TCERG1L: variants seen among roughly 807,000 people sequenced by gnomAD.
TCERG1L encodes the protein transcription elongation regulator 1 like.
Under a neutral mutation model 56.3 loss-of-function variants are expected in TCERG1L, and 37 were observed. That is an observed-to-expected ratio of 0.66 (90% CI 0.51 to 0.87). The LOEUF (loss-of-function observed/expected upper bound fraction) is 0.87, where lower values mean the gene tolerates loss of function less well. Among genes scored for constraint, TCERG1L ranks in the 40% least tolerant of loss-of-function variants. The pLI, the probability that TCERG1L is intolerant of heterozygous loss-of-function variation, is 0.00. For synonymous variants in TCERG1L, 324 were observed against 326.3 expected, an observed-to-expected ratio of 0.99 and a Z score of 0.08; for missense variants, 799 against 774.2, an observed-to-expected ratio of 1.03 and a Z score of -0.38.
intron 4 of TCERG1L, among the ~76,000 whole-genome samples, chr10:131,245,044 A>G (rs1480178454): frequency 6.6e-6 from 1 of 152,172 alleles, no homozygotes; most frequent in Admixed American, 6.5e-5. Flanking sequence ...CAGCTGCTGG[A>G]AGGCACCTGG....
rs1278312411 is a variant in TCERG1L at position 131,311,713 on chromosome 10, A to G, written c.-78T>C. On this transcript the variant is annotated 5_prime_UTR_variant, in exon 1 of 12. Coordinates refer to ENST00000368642, the MANE Select transcript of TCERG1L (RefSeq NM_174937.4). The surrounding 1 kb of genome is among the most constrained non-coding windows in gnomAD (Gnocchi z 4.0). ...TGGGCCGGCGGCGGCGCGGCTCCGG[A>G]GCGAACTCACTTGGCTCCGCGGCGC... 59 of 737,302 alleles carry G rather than the reference A, an allele frequency of 8.0e-5. No homozygotes were observed. The highest frequency in any genetic ancestry group is 9.9e-5 in the Non-Finnish European group (58 of 585,270). The allele number at this position is 737,302 out of a possible 1,614,324, so 45.7% of individuals were successfully genotyped here.
chr10:131,114,951 C>A (rs1490542969), intron 9 of TCERG1L, among the ~76,000 whole-genome samples: 1 of 152,232 alleles, frequency 6.6e-6, no homozygotes, highest in Non-Finnish European at 1.5e-5. Context: ...ACGGCCATTT[C>A]CACAAGGGCC....
intron 5 of TCERG1L, among the ~76,000 whole-genome samples, chr10:131,164,521 C>T (rs150333318): frequency 1.1e-4 from 16 of 152,346 alleles, no homozygotes; most frequent in African/African-American, 3.6e-4. Context: ...AATAAATTCA[C>T]ATGAAGTAGC....
rs1845296338 is a variant in TCERG1L, at chr10:131,191,066, C to T, written c.857-24181G>A. 2.1e-5 allele frequency among the ~76,000 whole-genome samples: 3 copies of T among 144,142 alleles called. 1 individual carries two copies. The highest frequency in any genetic ancestry group is 2.1e-4 in the Admixed American group (3 of 14,482). The allele number at this position is 144,142 out of a possible 152,430, so 94.6% of individuals were successfully genotyped here. On this transcript the variant is annotated intron_variant, in intron 4 of 11. Coordinates refer to ENST00000368642, the MANE Select transcript of TCERG1L (RefSeq NM_174937.4). ...TACACAAATCAGTAGCACTGCTAGA[C>T]ACGAACAAAGACCATGCAAGAATAA...
chr10:131,157,211 C>A (rs970079254), intron 6 of TCERG1L, among the ~76,000 whole-genome samples: 9 of 152,166 alleles, frequency 5.9e-5, no homozygotes, highest in Non-Finnish European at 8.8e-5. Context: ...AGTGCACTTT[C>A]GTATCTTTCC....
At chr10:131,283,768 G>C (rs1192922716) in intron 3 of TCERG1L, among the ~76,000 whole-genome samples, 3 of 152,250 alleles carry the variant, frequency 2.0e-5, no homozygotes, top group Non-Finnish European at 4.4e-5. Context: ...AATGAAGAGA[G>C]ACTTAGCAAC....
rs1162169413 is a variant in TCERG1L at position 131,285,546 on chromosome 10, G to GAA, written c.670+22663_670+22664dup. On this transcript the variant is annotated intron_variant, in intron 3 of 11. Transcript: ENST00000368642. ...AAAGAGAGAAAGAAAAGAAAAGAAA[G>GAA]AAAGGAAGGAAGAAAGAAAAAGAAA... 1.4e-4 allele frequency among the ~76,000 whole-genome samples: 20 copies of GAA among 143,286 alleles called. 3 individuals carry two copies. The highest frequency in any genetic ancestry group is 3.9e-4 in the African/African-American group (15 of 38,396). The allele number at this position is 143,286 out of a possible 152,430, so 94.0% of individuals were successfully genotyped here.
intron 4 of TCERG1L, among the ~76,000 whole-genome samples, chr10:131,198,222 G>A (rs889137916): frequency 4.6e-5 from 7 of 152,190 alleles, no homozygotes; most frequent in Non-Finnish European, 2.9e-5. Context: ...CACTATGTAC[G>A]TGGCATCATC....
At chr10:131,168,547 C>T (rs564747336) in intron 4 of TCERG1L, among the ~76,000 whole-genome samples, 9 of 152,312 alleles carry the variant, frequency 5.9e-5, no homozygotes, top group Admixed American at 1.3e-4. Flanking sequence ...AGACGTGAGC[C>T]GGAGGCCCCA....
At chr10:131,252,964 C>T (rs1448760726) in intron 4 of TCERG1L, among the ~76,000 whole-genome samples, 1 of 152,188 alleles carries the variant, frequency 6.6e-6, no homozygotes, top group African/African-American at 2.4e-5. Flanking sequence ...CTGGTCCCTG[C>T]TTGAAGACCA....
chr10:131,138,143 T>TGCGC (rs1845695910), intron 7 of TCERG1L, among the ~76,000 whole-genome samples: 1 of 152,130 alleles, frequency 6.6e-6, no homozygotes, highest in African/African-American at 2.4e-5. Context: ...GTGGCACATG[T>TGCGC]CTGTAATCTC....
chr10:131,261,602 T>C (rs1846237733), intron 3 of TCERG1L, among the ~76,000 whole-genome samples: 1 of 152,210 alleles, frequency 6.6e-6, no homozygotes, highest in African/African-American at 2.4e-5. Context: ...ATCATATAGG[T>C]TCCTGCAATG....
At chr10:131,280,984 G>A (rs554746458) in intron 3 of TCERG1L, among the ~76,000 whole-genome samples, 1 of 152,228 alleles carries the variant, frequency 6.6e-6, no homozygotes, top group East Asian at 1.9e-4. Context: ...TTCATCATTT[G>A]ACCTTTTAGA....
At chr10:131,183,248 C>G (rs1355305045) in intron 4 of TCERG1L, among the ~76,000 whole-genome samples, 1 of 152,148 alleles carries the variant, frequency 6.6e-6, no homozygotes. Flanking sequence ...TTCTAAGGAA[C>G]TTGCATTTTT....
intron 2 of TCERG1L, among the ~76,000 whole-genome samples, 173 bp from the exon 3 acceptor site, chr10:131,308,564 T>C (rs996091398): frequency 1.2e-4 from 18 of 152,230 alleles, no homozygotes; most frequent in African/African-American, 2.9e-4. Flanking sequence ...AGGGCTTCAA[T>C]ACCGATCACC....
chr10:131,138,463 A>C (rs1413908395), intron 7 of TCERG1L, among the ~76,000 whole-genome samples: 1 of 152,186 alleles, frequency 6.6e-6, no homozygotes, highest in Non-Finnish European at 1.5e-5. Flanking sequence ...GAAGTGAGAG[A>C]ATCTGATTTC....
At chr10:131,237,743 T>C (rs1168626028) in intron 4 of TCERG1L, among the ~76,000 whole-genome samples, 1 of 152,150 alleles carries the variant, frequency 6.6e-6, no homozygotes, top group Non-Finnish European at 1.5e-5. Flanking sequence ...GTGGAAAATG[T>C]CAACTCCATG....
chr10:131,274,724 G>C (rs1170566979), intron 3 of TCERG1L, among the ~76,000 whole-genome samples: 1 of 152,170 alleles, frequency 6.6e-6, no homozygotes, highest in Non-Finnish European at 1.5e-5. Context: ...AGGAGGGGAG[G>C]ACCCACCTGA....
At chr10:131,293,951 G>C (rs1166184713) in intron 3 of TCERG1L, among the ~76,000 whole-genome samples, 1 of 152,118 alleles carries the variant, frequency 6.6e-6, no homozygotes, top group East Asian at 1.9e-4. Flanking sequence ...CTGTCTTTCT[G>C]GTTCAGACGC....
Sources: allele counts gnomAD v4.1 joint callset (sites outside exome capture counted in the v4.1 genomes callset), GRCh38; gene constraint gnomAD v4.1.1; non-coding constraint Gnocchi (gnomAD v3.1); transcripts MANE v1.5; gene names NCBI Gene and HGNC (gene_info 2026-07-23, HGNC 2026-07-21).